CRTC1: variants seen among roughly 807,000 people sequenced by gnomAD.
CRTC1 encodes the protein CREB regulated transcription coactivator 1, also known as CREB-regulated transcription coactivator 1.
CRTC1 carries 18 observed loss-of-function variants against 66.1 expected under a neutral mutation model. The ratio of observed to expected loss-of-function variants is 0.27; its 90% CI spans 0.19 to 0.40. CRTC1 has a LOEUF of 0.40. Among genes scored for constraint, CRTC1 ranks in the 10% least tolerant of loss-of-function variants. The probability of loss-of-function intolerance (pLI) is 1.00; values close to 1 mark genes in which losing one functional copy is unlikely to be tolerated. For synonymous variants in CRTC1, 416 were observed against 398.8 expected, an observed-to-expected ratio of 1.04 and a Z score of -0.51; for missense variants, 669 against 887.9, an observed-to-expected ratio of 0.75 and a Z score of 3.13.
At chr19:18,752,393 G>T (rs1337440687) in intron 5 of CRTC1, among the ~76,000 whole-genome samples, 1 of 152,044 alleles carries the variant, frequency 6.6e-6, no homozygotes, top group Non-Finnish European at 1.5e-5. Flanking sequence ...ATCACAACTC[G>T]CTGCAGCCTC....
chr19:18,758,883 T>C (rs2145800846), intron 6 of CRTC1, among the ~76,000 whole-genome samples: 2 of 152,306 alleles, frequency 1.3e-5, no homozygotes, highest in South Asian at 2.1e-4. Context: ...CCTGCCACCA[T>C]GATCTGGGAA....
Position 18,742,996 on chromosome 19 carries a change from C to A in CRTC1, c.213C>A (p.Ile71=). ...YGGSLPNVNQ[I]GSGTMDLPFQ... is the part of the protein sequence containing the mutation. ...GGTCCCTGCCCAACGTGAACCAGAT[C>A]GGGAGTGGCACCATGGACCTGCCCT... The change falls in exon 2 of 14, where the codon ATC becomes ATA. Residue 71 remains isoleucine (I), a synonymous_variant. Transcript: ENST00000321949. The A allele has an allele frequency of 6.2e-7, 1 of 1,613,060 alleles. No individual in the cohort carries two copies. The highest frequency in any genetic ancestry group is 1.3e-5 in the African/African-American group (1 of 75,056).
chr19:18,770,798 G>A (rs1210166338), intron 10 of CRTC1, among the ~76,000 whole-genome samples: 3 of 151,758 alleles, frequency 2.0e-5, no homozygotes, highest in Admixed American at 1.3e-4. Flanking sequence ...ATATATGTGT[G>A]TGTGGGTGTG....
chr19:18,710,616 T>A (rs944042866), intron 1 of CRTC1, among the ~76,000 whole-genome samples: 13 of 152,264 alleles, frequency 8.5e-5, no homozygotes, highest in Admixed American at 8.5e-4. Context: ...TTATTTATTA[T>A]TTATTTATTT....
At chr19:18,764,410 C>G (rs1226761321) in intron 8 of CRTC1, among the ~76,000 whole-genome samples, 1 of 152,244 alleles carries the variant, frequency 6.6e-6, no homozygotes, top group Non-Finnish European at 1.5e-5. Flanking sequence ...GGGGTCAGGC[C>G]AGGCTCGCAG....
intron 1 of CRTC1, among the ~76,000 whole-genome samples, chr19:18,688,862 A>G (rs1258940055): frequency 6.6e-6 from 1 of 152,124 alleles, no homozygotes; most frequent in African/African-American, 2.4e-5. Flanking sequence ...TCGTACCCCC[A>G]GAAAGAGACC....
chr19:18,702,734 A>G (rs879523877), intron 1 of CRTC1, among the ~76,000 whole-genome samples: 18 of 150,078 alleles, frequency 1.2e-4, no homozygotes, highest in Non-Finnish European at 2.2e-4. Context: ...GGGTTTCTCC[A>G]TGTTGGTCAG....
Position 18,745,825 on chromosome 19 carries a change from C to G in CRTC1, c.246C>G (p.Thr82=). Residue 82 remains threonine (T), a splice_region_variant and synonymous_variant, in exon 3 of 14, where the codon ACC becomes ACG. Transcript: ENST00000321949. ...GTTTCCATCTCCTCCTCCCCCAGAC[C>G]CCCTTCCAATCCTCGGGCCTGGACA... ...GSGTMDLPFQ[T]PFQSSGLDTS... 6.2e-7 allele frequency: 1 copy of G among 1,613,866 alleles called. No homozygotes were observed. Among genetic ancestry groups the G allele is most frequent in the Non-Finnish European group, 8.5e-7 (1 of 1,179,926 alleles).
chr19:18,775,560 G>A, intron 12 of CRTC1, 81 bp from the exon 13 acceptor site: 1 of 1,283,080 alleles, frequency 7.8e-7, no homozygotes, highest in Non-Finnish European at 1.0e-6. Flanking sequence ...GGGCAGGACA[G>A]CCACAGCAGC....
At chr19:18,763,301 A>G (rs533104235) in intron 8 of CRTC1, among the ~76,000 whole-genome samples, 2 of 152,262 alleles carry the variant, frequency 1.3e-5, no homozygotes, top group African/African-American at 2.4e-5. Context: ...GGGTTTCACC[A>G]CATTGGCCAG....
chr19:18,719,237 G>A (rs138515339), intron 1 of CRTC1, among the ~76,000 whole-genome samples: 2 of 152,214 alleles, frequency 1.3e-5, no homozygotes, highest in Non-Finnish European at 2.9e-5. Context: ...CCTGCATCGT[G>A]TGTGTCTGCT....
At chr19:18,718,981 C>T (rs1010843876) in intron 1 of CRTC1, among the ~76,000 whole-genome samples, 4 of 152,198 alleles carry the variant, frequency 2.6e-5, no homozygotes, top group Non-Finnish European at 5.9e-5. Context: ...GGAGTCTCGG[C>T]AGCCACTTGC....
At chr19:18,739,597 G>A (rs898698496) in intron 1 of CRTC1, among the ~76,000 whole-genome samples, 10 of 152,174 alleles carry the variant, frequency 6.6e-5, no homozygotes, top group African/African-American at 1.7e-4. Flanking sequence ...CTGGGTTCAC[G>A]GAGCTCGTCC....
At chr19:18,684,727 A>C (rs1480721571) in intron 1 of CRTC1, among the ~76,000 whole-genome samples, 2 of 152,114 alleles carry the variant, frequency 1.3e-5, no homozygotes. Context: ...GGCTGGGCGC[A>C]TTTGGTGTGC....
chr19:18,743,631 G>C (rs1022054473), intron 2 of CRTC1, among the ~76,000 whole-genome samples: 24 of 89,502 alleles, frequency 2.7e-4, no homozygotes, highest in Admixed American at 6.1e-4. Context: ...GGTCCCCCTG[G>C]GGGGGGGTCA....
intron 1 of CRTC1, among the ~76,000 whole-genome samples, chr19:18,699,856 G>T (rs1161247540): frequency 6.6e-6 from 1 of 152,184 alleles, no homozygotes; most frequent in East Asian, 1.9e-4. Context: ...GTGGGGACAG[G>T]CCTGGGAGGA....
intron 1 of CRTC1, chr19:18,735,781 GTC>G (rs1344999494): frequency 6.5e-6 from 1 of 153,116 alleles, no homozygotes; most frequent in Non-Finnish European, 1.5e-5. Context: ...CCAGTGCTGT[GTC>G]TCTGCCAGTC....
rs1197333089 is a variant in CRTC1, at chr19:18,701,552, A to G, written c.126+17724A>G. On this transcript the variant is annotated intron_variant, in intron 1 of 13. Transcript: ENST00000321949. ...TGTGTGGCTTATGGGTCATCTGTTT[A>G]GTTTCACCTGAGGGAGTATTCATTG... Among the ~76,000 whole-genome samples the G allele has an allele frequency of 2.0e-5, 3 of 152,206 alleles. No individual in the cohort carries two copies. In the East Asian group the frequency reaches 5.8e-4, roughly 29 times the overall value.
chr19:18,777,607 G>A lies in CRTC1; in HGVS notation c.*225G>A. On this transcript the variant is annotated 3_prime_UTR_variant, in exon 14 of 14. Coordinates refer to ENST00000321949, the MANE Select transcript of CRTC1 (RefSeq NM_015321.3). The surrounding 1 kb of genome is among the most constrained non-coding windows in gnomAD (Gnocchi z 5.5). ...CACCCGCCCGCCCAGGGCTGGGCTGGGATCGGAGGCCGTGAGCCTCCCGCC... is the reference window on the plus strand; with the variant it reads ...CACCCGCCCGCCCAGGGCTGGGCTGAGATCGGAGGCCGTGAGCCTCCCGCC... 1 of 533,528 alleles carries A rather than the reference G, an allele frequency of 1.9e-6. No individual in the cohort carries two copies. Among genetic ancestry groups the A allele is most frequent in the South Asian group, 2.2e-5 (1 of 44,996 alleles). The allele number at this position is 533,528 out of a possible 1,614,324, so 33.0% of individuals were successfully genotyped here.
Sources: gnomAD v4.1 joint callset for allele counts (sites outside exome capture counted in the v4.1 genomes callset) on GRCh38, gnomAD v4.1.1 for gene constraint, Gnocchi (gnomAD v3.1) non-coding constraint, MANE v1.5 for transcripts, NCBI Gene and HGNC (gene_info 2026-07-23, HGNC 2026-07-21) for gene names.